The following ADGRD1 variants were observed in gnomAD, a reference collection of about 807,000 sequenced individuals.
The protein encoded by ADGRD1 is G-protein coupled receptor 133.
ADGRD1 carries 77 observed loss-of-function variants against 113.4 expected under a neutral mutation model. That is an observed-to-expected ratio of 0.68 (90% CI 0.57 to 0.82). The LOEUF is 0.82. ADGRD1 is among the 40% of genes least tolerant of loss of function. The pLI, the probability that ADGRD1 is intolerant of heterozygous loss-of-function variation, is 0.00. For synonymous variants in ADGRD1, 474 were observed against 475.0 expected, an observed-to-expected ratio of 1.00 and a Z score of 0.03; for missense variants, 1,036 against 1,139.1, an observed-to-expected ratio of 0.91 and a Z score of 1.30.
chr12:131,022,059 C>A lies in ADGRD1; in HGVS notation c.1473+7719C>A, dbSNP rs944167234. Among the ~76,000 whole-genome samples the A allele has an allele frequency of 6.6e-6, 1 of 152,078 alleles. No homozygotes were observed. The highest frequency in any genetic ancestry group is 1.5e-5 in the Non-Finnish European group (1 of 68,030). ...GTTGGATTAGGGCCTACTCTAATGA[C>A]CTCATTTTATCTTAATCACCCCTTC... On this transcript the variant is annotated intron_variant, in intron 13 of 24. Coordinates refer to ENST00000261654, the MANE Select transcript of ADGRD1 (RefSeq NM_198827.5). This position sits in a 1 kb window ranked among gnomAD's most constrained non-coding sequence, Gnocchi z 4.6.
In ADGRD1 at chr12:130,992,372, A is replaced by C; in HGVS notation, c.946A>C (p.Thr316Pro). 1 of 1,613,834 alleles carries C rather than the reference A, an allele frequency of 6.2e-7. No individual in the cohort carries two copies. The highest frequency in any genetic ancestry group is 1.7e-5 in the Admixed American group (1 of 59,984). ...SLPSKSLSEQ[T>P]ALNLTKTFLK... ...ACCCAGTAAGTCCCTCTCGGAGCAG[A>C]CAGCCTTGAATCTCACCAAGGTAAG... The change falls in exon 8 of 25, where the codon ACA becomes CCA. Residue 316 changes from threonine (T) to proline (P), a missense_variant. By Grantham distance (38) the Thr-to-Pro change is conservative (BLOSUM62 -1). Coordinates refer to ENST00000261654, the MANE Select transcript of ADGRD1 (RefSeq NM_198827.5).
In ADGRD1 at chr12:131,079,123, T is replaced by G. The variant is rs77118188; in HGVS notation, c.1547+2249T>G. ...ATGGCGCAGGAAGCCTTTTGGAGTC[T>G]AGCCTCTTTAATTTTGCATAGTGTG... On this transcript the variant is annotated intron_variant, in intron 14 of 24. Coordinates refer to ENST00000261654, the MANE Select transcript of ADGRD1 (RefSeq NM_198827.5). Among the ~76,000 whole-genome samples, 557 of 152,338 alleles carry G rather than the reference T, an allele frequency of 3.7e-3. 6 individuals are homozygous for G. The highest frequency in any genetic ancestry group is 0.013 in the African/African-American group (524 of 41,570).
In ADGRD1 at chr12:131,139,849, T is replaced by C. The variant is rs1486943002; in HGVS notation, c.*586T>C. On this transcript the variant is annotated 3_prime_UTR_variant, in exon 25 of 25. Coordinates refer to ENST00000261654, the MANE Select transcript of ADGRD1 (RefSeq NM_198827.5). ...GGTGGTGCCGGCGTGGGCCAACCTG[T>C]GCTGTGTCATCAGTTGGGGGCCCCT... 6.5e-6 allele frequency: 1 copy of C among 152,932 alleles called. No homozygotes were observed. The highest frequency in any genetic ancestry group is 2.4e-5 in the African/African-American group (1 of 41,454). The allele number at this position is 152,932 out of a possible 1,614,324, so 9.5% of individuals were successfully genotyped here.
intron 11 of ADGRD1, among the ~76,000 whole-genome samples, chr12:131,005,529 C>G (rs1876972777): frequency 6.6e-6 from 1 of 152,146 alleles, no homozygotes; most frequent in African/African-American, 2.4e-5. Context: ...CAGTGTTGCC[C>G]TAAATCCTCT....
At chr12:131,137,809 A>AGCCC (rs913837997) in intron 23 of ADGRD1, 2 of 183,092 alleles carry the variant, frequency 1.1e-5, no homozygotes, top group Middle Eastern at 2.2e-3. Flanking sequence ...CAGCCATGGA[A>AGCCC]GCCCGCCCGC....
chr12:131,081,326 T>C (rs922484933), intron 14 of ADGRD1, among the ~76,000 whole-genome samples: 1 of 152,240 alleles, frequency 6.6e-6, no homozygotes, highest in Non-Finnish European at 1.5e-5. Flanking sequence ...TTTTGCTAGA[T>C]GTCTTCTAAC....
At chr12:130,994,197 C>A (rs1422440193) in intron 8 of ADGRD1, 1 of 423,048 alleles carries the variant, frequency 2.4e-6, no homozygotes, top group Non-Finnish European at 4.8e-6. Flanking sequence ...CGGGTATAGA[C>A]AAGCTGGAAG....
At chr12:131,098,663 G>A (rs1053892534) in intron 15 of ADGRD1, among the ~76,000 whole-genome samples, 16 of 152,284 alleles carry the variant, frequency 1.1e-4, no homozygotes, top group Middle Eastern at 3.4e-3. Context: ...GATCATGGCC[G>A]TGTGAGGGCC....
chr12:130,955,123 C>CTTTTTTTCTTTTTTTTTTT (rs1869387209), intron 2 of ADGRD1, among the ~76,000 whole-genome samples: 1 of 99,714 alleles, frequency 1.0e-5, no homozygotes, highest in African/African-American at 4.3e-5. Flanking sequence ...CTACACCCAG[C>CTTTTTTTCTTTTTTTTTTT]TTTTTTTTTT....
chr12:130,978,875 G>C (rs1450032640), intron 4 of ADGRD1: 1 of 152,226 alleles, frequency 6.6e-6, no homozygotes, highest in Non-Finnish European at 1.5e-5. Context: ...ACAACGCACT[G>C]TGCTGACTTC....
intron 13 of ADGRD1, among the ~76,000 whole-genome samples, chr12:131,072,143 T>C (rs1288871298): frequency 6.6e-6 from 1 of 151,478 alleles, no homozygotes; most frequent in Non-Finnish European, 1.5e-5. Context: ...GGCTGGCACC[T>C]GTGCACAAAC....
chr12:131,053,288 T>C (rs1883564649), intron 13 of ADGRD1, among the ~76,000 whole-genome samples: 1 of 152,278 alleles, frequency 6.6e-6, no homozygotes, highest in Admixed American at 6.5e-5. Context: ...TCCTGTGCTG[T>C]GAACATTTGC....
In ADGRD1 at chr12:131,003,104, T is replaced by G. The variant is rs2136730977; in HGVS notation, c.1027-81T>G. On this transcript the variant is annotated intron_variant, in intron 9 of 24. Coordinates refer to ENST00000261654, the MANE Select transcript of ADGRD1 (RefSeq NM_198827.5). This position sits in a 1 kb window ranked among gnomAD's most constrained non-coding sequence, Gnocchi z 4.8. ...CGTGGCCAACGTGGGGAAACTTGAT[T>G]TTGTGTGCCTGGTGCACCTGCCTGG... 2 of 1,121,334 alleles carry G rather than the reference T, an allele frequency of 1.8e-6. No individual in the cohort carries two copies. The highest frequency in any genetic ancestry group is 2.7e-6 in the Non-Finnish European group (2 of 734,964). 69.5% of individuals were successfully genotyped at this position (1,121,334 alleles called of 1,614,324 possible). A position where few individuals can be genotyped will look rare whatever the true frequency, so the allele number is the denominator to read the frequency against.
At chr12:131,017,876 TAC>T (rs2136843274) in intron 13 of ADGRD1, among the ~76,000 whole-genome samples, 1 of 138,540 alleles carries the variant, frequency 7.2e-6, no homozygotes, top group Non-Finnish European at 1.6e-5. Context: ...ACACTTAGTA[TAC>T]ACACAGCCAG....
Position 130,987,314 on chromosome 12 carries a change from C to G in ADGRD1, c.710C>G (p.Pro237Arg), listed in dbSNP as rs749549808. The change falls in exon 6 of 25, where the codon CCG (proline) becomes CGG (arginine). Residue 237 changes from proline to arginine, a missense_variant. Transcript: ENST00000261654. ...ATCATCTGGGAGCGGGCTCTGACTCCGGATGAGATCGCCATGTACTTCACT... is the reference window on the plus strand; with the variant it reads ...ATCATCTGGGAGCGGGCTCTGACTCGGGATGAGATCGCCATGTACTTCACT... ...EFIIWERALT[P>R]DEIAMYFTAA... 7 of 1,614,180 alleles carry G rather than the reference C, an allele frequency of 4.3e-6. No homozygotes were observed. Among genetic ancestry groups the G allele is most frequent in the Non-Finnish European group, 5.9e-6 (7 of 1,180,034 alleles).
chr12:131,070,717 G>A (rs1389775260), intron 13 of ADGRD1: 1 of 461,266 alleles, frequency 2.2e-6, no homozygotes, highest in African/African-American at 2.0e-5. Context: ...ATCACTGCAA[G>A]GCTCCACCCA....
intron 13 of ADGRD1, among the ~76,000 whole-genome samples, chr12:131,051,540 G>A (rs1275340318): frequency 2.0e-5 from 3 of 151,416 alleles, no homozygotes; most frequent in Non-Finnish European, 4.4e-5. Context: ...CTGGAGGGCA[G>A]TGGCGATATC....
chr12:131,073,052 C>A (rs1044837664), intron 13 of ADGRD1, among the ~76,000 whole-genome samples: 9 of 152,214 alleles, frequency 5.9e-5, no homozygotes, highest in African/African-American at 2.2e-4. Flanking sequence ...CCTGGCCTAA[C>A]CTTTCCTTCT....
At position 131,075,524 on chromosome 12, in the gene ADGRD1, G is replaced by A. The variant is rs76313951; in HGVS notation, c.1474-1277G>A. Among the ~76,000 whole-genome samples, 668 of 152,288 alleles carry A rather than the reference G, an allele frequency of 4.4e-3. 4 individuals are homozygous for A. Among genetic ancestry groups the A allele is most frequent in the Middle Eastern group, 0.014 (4 of 294 alleles). ...CTAAGATACGGGGCGGCAGGGGTGG[G>A]GGACAAAGCAAAAAGAGTAAACGTT... is the stretch of plus-strand genomic sequence containing the variant. On this transcript the variant is annotated intron_variant, in intron 13 of 24. Transcript: ENST00000261654. This position sits in a 1 kb window ranked among gnomAD's most constrained non-coding sequence, Gnocchi z 5.3.
Sources: gnomAD v4.1 joint callset for allele counts (sites outside exome capture counted in the v4.1 genomes callset) on GRCh38, gnomAD v4.1.1 for gene constraint, Gnocchi (gnomAD v3.1) non-coding constraint, MANE v1.5 for transcripts, NCBI Gene and HGNC (gene_info 2026-07-23, HGNC 2026-07-21) for gene names.